Variants in TMEM132D observed in about 807,000 individuals in gnomAD.
TMEM132D encodes the protein mature OL transmembrane protein.
A neutral mutation model predicts 62.3 loss-of-function variants in TMEM132D; 21 were observed. That is an observed-to-expected ratio of 0.34 (90% CI 0.24 to 0.49). TMEM132D has a LOEUF of 0.49. Ranked by LOEUF, TMEM132D falls within the 20% of genes least tolerant of loss-of-function variation. TMEM132D has a pLI of 0.99. For missense variants in TMEM132D, 1,346 were observed against 1,402.8 expected, an observed-to-expected ratio of 0.96 and a Z score of 0.65; for synonymous variants, 621 against 575.6, an observed-to-expected ratio of 1.08 and a Z score of -1.13.
At chr12:129,728,094 G>A (rs1304696153) in intron 1 of TMEM132D, among the ~76,000 whole-genome samples, 2 of 152,198 alleles carry the variant, frequency 1.3e-5, no homozygotes, top group Non-Finnish European at 2.9e-5. Flanking sequence ...AAGCTAGAAG[G>A]ATGGAGACCC....
At chr12:129,297,817 C>G (rs1881614815) in intron 4 of TMEM132D, among the ~76,000 whole-genome samples, 1 of 152,112 alleles carries the variant, frequency 6.6e-6, no homozygotes, top group Admixed American at 6.5e-5. Context: ...CACAGGTCGG[C>G]TGGGGACGCT....
At chr12:129,373,392 G>A (rs1179269893) in intron 3 of TMEM132D, among the ~76,000 whole-genome samples, 1 of 152,130 alleles carries the variant, frequency 6.6e-6, no homozygotes, top group East Asian at 1.9e-4. Flanking sequence ...CAACACTTTG[G>A]GAGGACGAGG....
chr12:129,253,229 A>C (rs1456616771), intron 4 of TMEM132D, among the ~76,000 whole-genome samples: 1 of 148,938 alleles, frequency 6.7e-6, no homozygotes, highest in Non-Finnish European at 1.5e-5. Context: ...ATAAAAAATA[A>C]TGTGATAATT....
intron 1 of TMEM132D, among the ~76,000 whole-genome samples, chr12:129,718,346 G>T (rs965092734): frequency 6.6e-6 from 1 of 152,196 alleles, no homozygotes; most frequent in Non-Finnish European, 1.5e-5. Flanking sequence ...GGTCCAGGGA[G>T]GGGAGGGGAA....
At chr12:129,747,606 TACAGACACACACAAC>T (rs1021538274) in intron 1 of TMEM132D, among the ~76,000 whole-genome samples, 3 of 142,740 alleles carry the variant, frequency 2.1e-5, no homozygotes, top group Admixed American at 7.0e-5. Flanking sequence ...ACACTTGACA[TACAGACACACACAAC>T]ACAGACACAC....
intron 1 of TMEM132D, among the ~76,000 whole-genome samples, chr12:129,899,137 A>G (rs1390037542): frequency 5.4e-4 from 81 of 150,728 alleles, no homozygotes; most frequent in African/African-American, 1.2e-3. Context: ...TGATGAATGG[A>G]TGGATGAAAT....
intron 4 of TMEM132D, among the ~76,000 whole-genome samples, chr12:129,233,766 A>G (rs1424970417): frequency 6.6e-6 from 1 of 152,122 alleles, no homozygotes; most frequent in East Asian, 1.9e-4. Flanking sequence ...AGCTGGGACT[A>G]CAGGCACCTG....
In TMEM132D at chr12:129,209,847, C is replaced by T. The variant is rs954064937; in HGVS notation, c.1300-184G>A. 8.0e-6 allele frequency: 6 copies of T among 753,726 alleles called. No individual in the cohort carries two copies. In the African/African-American group the frequency reaches 8.8e-5, roughly 11 times the overall value. 46.7% of individuals were successfully genotyped at this position (753,726 alleles called of 1,614,324 possible). On this transcript the variant is annotated intron_variant, in intron 4 of 8. Transcript: ENST00000422113. ...CAGCCATGAGATAATGTTCTGTCCT[C>T]ACCCAGATTTCCACAGGGCAACTAT...
intron 6 of TMEM132D, among the ~76,000 whole-genome samples, 159 bp downstream of exon 6, chr12:129,084,338 A>G (rs1428145598): frequency 1.3e-5 from 2 of 152,176 alleles, no homozygotes; most frequent in African/African-American, 4.8e-5. Flanking sequence ...AAAAACGCTG[A>G]TAAAGAATGA....
intron 3 of TMEM132D, among the ~76,000 whole-genome samples, chr12:129,483,967 T>C (rs1192088468): frequency 1.3e-5 from 2 of 152,166 alleles, no homozygotes; most frequent in Non-Finnish European, 2.9e-5. Context: ...CTTTATTCAG[T>C]TACTTATTTC....
intron 1 of TMEM132D, among the ~76,000 whole-genome samples, chr12:129,832,488 C>T (rs1872873097): frequency 6.6e-6 from 1 of 152,038 alleles, no homozygotes; most frequent in African/African-American, 2.4e-5. Context: ...TGCACTAAAC[C>T]ATGGAGCCTG....
intron 2 of TMEM132D, among the ~76,000 whole-genome samples, chr12:129,627,244 A>G (rs265618): frequency 0.031 from 4,786 of 152,308 alleles, 240 homozygotes; most frequent in African/African-American, 0.11. Context: ...TGGTGCTCAC[A>G]TACGAATCAT....
chr12:129,651,472 T>G (rs1879926985), intron 2 of TMEM132D, among the ~76,000 whole-genome samples: 1 of 152,156 alleles, frequency 6.6e-6, no homozygotes, highest in Non-Finnish European at 1.5e-5. Flanking sequence ...GTAATAACCT[T>G]TGTATAAGCA....
chr12:129,797,078 T>C (rs111622345), intron 1 of TMEM132D, among the ~76,000 whole-genome samples: 1 of 152,218 alleles, frequency 6.6e-6, no homozygotes, highest in Admixed American at 6.5e-5. Context: ...TCATCTTTCA[T>C]GTGACCAACT....
At chr12:129,664,288 C>G (rs558389110) in intron 2 of TMEM132D, among the ~76,000 whole-genome samples, 1 of 152,116 alleles carries the variant, frequency 6.6e-6, no homozygotes, top group Admixed American at 6.5e-5. Context: ...AAGAATCCCA[C>G]CTTTAAGGGC....
intron 4 of TMEM132D, among the ~76,000 whole-genome samples, chr12:129,221,819 A>G (rs1303564875): frequency 6.6e-6 from 1 of 152,184 alleles, no homozygotes; most frequent in African/African-American, 2.4e-5. Flanking sequence ...TGGCCTCCCA[A>G]ATAAATAACA....
At chr12:129,546,093 C>T (rs60341053) in intron 2 of TMEM132D, among the ~76,000 whole-genome samples, 120 of 152,214 alleles carry the variant, frequency 7.9e-4, no homozygotes, top group African/African-American at 2.6e-3. Flanking sequence ...TGGCTGGGGT[C>T]CCCTGGGGTT....
chr12:129,535,773 TGTGCGTGTGTGTG>T lies in TMEM132D; in HGVS notation c.969-4581_969-4569del, dbSNP rs1566102030. ...TGTTGGGAGATTCATTTAAGATTTGTGTGCGTGTGTGTGTGTGTGTGTGTGTGTGTGTGTGTGT... is the reference window on the plus strand; with the variant it reads ...TGTTGGGAGATTCATTTAAGATTTGTTGTGTGTGTGTGTGTGTGTGTGTGT... On this transcript the variant is annotated intron_variant, in intron 2 of 8. Transcript: ENST00000422113. Among the ~76,000 whole-genome samples the T allele has an allele frequency of 4.9e-3, 423 of 86,976 alleles. 2 individuals carry two copies. The highest frequency in any genetic ancestry group is 0.026 in the African/African-American group (405 of 15,866). 57.1% of individuals were successfully genotyped at this position (86,976 alleles called of 152,430 possible). A position where few individuals can be genotyped will look rare whatever the true frequency, so the allele number is the denominator to read the frequency against.
chr12:129,110,505 T>C (rs575575113), intron 5 of TMEM132D: 1 of 152,224 alleles, frequency 6.6e-6, no homozygotes, highest in Non-Finnish European at 1.5e-5. Context: ...GAACATGAGA[T>C]ATATAAATGC....
Sources: allele counts gnomAD v4.1 joint callset (sites outside exome capture counted in the v4.1 genomes callset), GRCh38; gene constraint gnomAD v4.1.1; transcripts MANE v1.5; gene names NCBI Gene and HGNC (gene_info 2026-07-23, HGNC 2026-07-21).